MCHR2: variants seen among roughly 807,000 people sequenced by gnomAD.
MCHR2 encodes melanin concentrating hormone receptor 2, also known as melanin-concentrating hormone receptor 2.
A neutral mutation model predicts 24.8 loss-of-function variants in MCHR2; 15 were observed. The observed-to-expected ratio is 0.60, with a 90% CI of 0.40 to 0.93. The LOEUF (loss-of-function observed/expected upper bound fraction) is 0.93, where lower values mean the gene tolerates loss of function less well. Among genes scored for constraint, MCHR2 ranks in the 40% least tolerant of loss-of-function variants. The probability of loss-of-function intolerance (pLI) is 0.00; values close to 1 mark genes in which losing one functional copy is unlikely to be tolerated. For missense variants in MCHR2, 386 were observed against 408.7 expected, an observed-to-expected ratio of 0.94 and a Z score of 0.48; for synonymous variants, 151 against 147.6, an observed-to-expected ratio of 1.02 and a Z score of -0.17.
Position 99,946,020 on chromosome 6 carries a change from ATT to A in MCHR2, c.392+1740_392+1741del, listed in dbSNP as rs201335747. 2.9e-3 allele frequency among the ~76,000 whole-genome samples: 423 copies of A among 144,352 alleles called. 2 individuals carry two copies. Among genetic ancestry groups the A allele is most frequent in the African/African-American group, 9.8e-3 (386 of 39,544 alleles). 94.7% of individuals were successfully genotyped at this position (144,352 alleles called of 152,430 possible). A position where few individuals can be genotyped will look rare whatever the true frequency, so the allele number is the denominator to read the frequency against. On this transcript the variant is annotated intron_variant, in intron 3 of 5. Coordinates refer to ENST00000281806, the MANE Select transcript of MCHR2 (RefSeq NM_001040179.2). ...GAGATTTATAGGAGTATACCTGTTT[ATT>A]TTTTTTTTTTTCAAAAAAAGCCAAT...
chr6:99,981,360 G>C (rs1019369800), intron 1 of MCHR2, among the ~76,000 whole-genome samples: 13 of 152,268 alleles, frequency 8.5e-5, no homozygotes, highest in African/African-American at 3.1e-4. Context: ...AAAGAAGAGG[G>C]TGGCCATAAG....
chr6:99,985,258 C>T (rs566211563), intron 1 of MCHR2, among the ~76,000 whole-genome samples: 1 of 152,156 alleles, frequency 6.6e-6, no homozygotes, highest in Non-Finnish European at 1.5e-5. Context: ...CTGCCCAAAA[C>T]AATCTACAGA....
At chr6:99,927,358 T>C (rs1774389852) in intron 5 of MCHR2, among the ~76,000 whole-genome samples, 1 of 152,200 alleles carries the variant, frequency 6.6e-6, no homozygotes, top group Non-Finnish European at 1.5e-5. Flanking sequence ...AATAGTTTTT[T>C]CCAATTCTGT....
chr6:99,938,009 T>C (rs1293010223), intron 4 of MCHR2, among the ~76,000 whole-genome samples: 4 of 151,924 alleles, frequency 2.6e-5, no homozygotes, highest in Non-Finnish European at 5.9e-5. Flanking sequence ...TTCATTACAG[T>C]TTCTAATGAC....
At chr6:99,960,610 C>A (rs1283369063) in intron 1 of MCHR2, among the ~76,000 whole-genome samples, 1 of 152,176 alleles carries the variant, frequency 6.6e-6, no homozygotes, top group Non-Finnish European at 1.5e-5. Context: ...ACCAAAACAG[C>A]ATGGTACTGG....
At chr6:99,962,510 T>G (rs1475928479) in intron 1 of MCHR2, among the ~76,000 whole-genome samples, 2 of 152,126 alleles carry the variant, frequency 1.3e-5, no homozygotes, top group Non-Finnish European at 2.9e-5. Context: ...GGATAGACTT[T>G]TCAACAAATG....
rs896230227 is a variant in MCHR2 at position 99,933,467 on chromosome 6, C to A, written c.707+931G>T. ...ACTAATTTTTTTTCTGTAACTGTGG[C>A]TACTTCCTTTTTCTTCCCAAATGGA... On this transcript the variant is annotated intron_variant, in intron 5 of 5. Transcript: ENST00000281806. Among the ~76,000 whole-genome samples the A allele has an allele frequency of 7.2e-5, 11 of 152,104 alleles. 1 individual carries two copies. The East Asian group carries it at 2.1e-3, about 29-fold the overall frequency.
intron 1 of MCHR2, among the ~76,000 whole-genome samples, chr6:99,968,184 GGTAAGAACT>G (rs1403460601): frequency 6.6e-6 from 1 of 152,142 alleles, no homozygotes; most frequent in Non-Finnish European, 1.5e-5. Flanking sequence ...GAGAGGAGGT[GGTAAGAACT>G]GTAGGAATGA....
At chr6:99,941,475 TTG>T (rs1774770378) in intron 4 of MCHR2, among the ~76,000 whole-genome samples, 1 of 152,098 alleles carries the variant, frequency 6.6e-6, no homozygotes, top group South Asian at 2.1e-4. Context: ...TCCCAAATGT[TTG>T]TGTTCCCTCA....
rs187217714 is a variant in MCHR2, at chr6:99,934,060, G to T, written c.707+338C>A. ...TTAAAAGGTTGCACATAACATCTAA[G>T]ATATTTACATATGCATGCAACTCTG... On this transcript the variant is annotated intron_variant, in intron 5 of 5. Transcript: ENST00000281806. Among the ~76,000 whole-genome samples, 5 of 152,082 alleles carry T rather than the reference G, an allele frequency of 3.3e-5. No homozygotes were observed. In the East Asian group the frequency reaches 9.7e-4, roughly 29 times the overall value.
intron 5 of MCHR2, among the ~76,000 whole-genome samples, chr6:99,931,578 C>T (rs886873200): frequency 6.6e-5 from 10 of 152,240 alleles, no homozygotes; most frequent in Middle Eastern, 3.4e-3. Context: ...TGCCGCCTTG[C>T]AGTTTGGTCT....
At chr6:99,967,106 C>G (rs1775309079) in intron 1 of MCHR2, among the ~76,000 whole-genome samples, 1 of 151,572 alleles carries the variant, frequency 6.6e-6, no homozygotes, top group Non-Finnish European at 1.5e-5. Flanking sequence ...AAATATGACC[C>G]CAGAAAACAG....
chr6:99,971,841 C>A (rs1775429322), intron 1 of MCHR2, among the ~76,000 whole-genome samples: 1 of 152,102 alleles, frequency 6.6e-6, no homozygotes, highest in Non-Finnish European at 1.5e-5. Flanking sequence ...GTCTTTGGTT[C>A]TGTTTATATG....
intron 4 of MCHR2, among the ~76,000 whole-genome samples, chr6:99,939,863 A>G (rs1774737897): frequency 8.9e-6 from 1 of 112,088 alleles, no homozygotes; most frequent in Non-Finnish European, 1.7e-5. Flanking sequence ...AATATCTTGG[A>G]TGGCAGGTGT....
chr6:99,957,013 T>C (rs1286092666), intron 1 of MCHR2, among the ~76,000 whole-genome samples: 1 of 151,970 alleles, frequency 6.6e-6, no homozygotes, highest in Non-Finnish European at 1.5e-5. Flanking sequence ...AACTTAAAAA[T>C]ACTCAAGGTC....
chr6:99,918,672 T>C lies in MCHR2; in HGVS notation c.*2268A>G, dbSNP rs1774165015. ...TCATTTGAAAGTAAACATGTATACA[T>C]ATCATGGCCAAACATAGAAAACACA... On this transcript the variant is annotated 3_prime_UTR_variant, in exon 6 of 6. Coordinates refer to ENST00000281806, the MANE Select transcript of MCHR2 (RefSeq NM_001040179.2). Among the ~76,000 whole-genome samples, 1 of 152,214 alleles carries C rather than the reference T, an allele frequency of 6.6e-6. No individual in the cohort carries two copies. Among genetic ancestry groups the C allele is most frequent in the Admixed American group, 6.5e-5 (1 of 15,286 alleles).
At chr6:99,970,527 T>G (rs569875485) in intron 1 of MCHR2, among the ~76,000 whole-genome samples, 2 of 152,316 alleles carry the variant, frequency 1.3e-5, no homozygotes, top group African/African-American at 4.8e-5. Context: ...TTCACTCTGA[T>G]GGTCGTTTCT....
chr6:99,955,948 A>AAAGGAGC lies in MCHR2; in HGVS notation c.182+11_182+17dup. Reference sequence around the variant, plus strand: ...TAAAGTATGGAAGGAAAAAAAAAAAAAAGGAGCCATTCCTTACCTTATTAT... The same window carrying AAAGGAGC: ...TAAAGTATGGAAGGAAAAAAAAAAAAAAGGAGCAAGGAGCCATTCCTTACCTTATTAT... On this transcript the variant is annotated intron_variant, in intron 2 of 5. Coordinates refer to ENST00000281806, the MANE Select transcript of MCHR2 (RefSeq NM_001040179.2). The AAAGGAGC allele has an allele frequency of 6.7e-7, 1 of 1,491,074 alleles. No homozygotes were observed. The highest frequency in any genetic ancestry group is 8.9e-7 in the Non-Finnish European group (1 of 1,119,774). The allele number at this position is 1,491,074 out of a possible 1,614,324, so 92.4% of individuals were successfully genotyped here.
chr6:99,990,045 T>C (rs905973390), intron 1 of MCHR2, among the ~76,000 whole-genome samples: 4 of 53,638 alleles, frequency 7.5e-5, no homozygotes, highest in Non-Finnish European at 1.4e-4. Context: ...TGCAAGTTCA[T>C]TGGCTTTAAA....
Sources: gnomAD v4.1 joint callset for allele counts (sites outside exome capture counted in the v4.1 genomes callset) on GRCh38, gnomAD v4.1.1 for gene constraint, MANE v1.5 for transcripts, NCBI Gene and HGNC (gene_info 2026-07-23, HGNC 2026-07-21) for gene names.